MYCBPAP: variants seen among roughly 807,000 people sequenced by gnomAD.
MYCBPAP encodes the protein MYCBP associated protein.
In MYCBPAP, 60 loss-of-function variants were observed where a neutral mutation model predicts 106.1. The ratio of observed to expected loss-of-function variants is 0.57; its 90% CI spans 0.46 to 0.70. The LOEUF (loss-of-function observed/expected upper bound fraction) is 0.70. Ranked by LOEUF, MYCBPAP falls within the 30% of genes least tolerant of loss-of-function variation. MYCBPAP has a pLI of 0.00. For synonymous variants in MYCBPAP, 407 were observed against 440.6 expected (o/e 0.92, Z 0.95); for missense variants, 1,064 against 1,169.3 (o/e 0.91, Z 1.31).
intron 9 of MYCBPAP, among the ~76,000 whole-genome samples, chr17:50,521,727 GTC>G (rs1331022276): frequency 6.6e-6 from 1 of 152,198 alleles, no homozygotes; most frequent in African/African-American, 2.4e-5. Flanking sequence ...GGCATGGAGA[GTC>G]TGTGTATTTC....
intron 7 of MYCBPAP, among the ~76,000 whole-genome samples, chr17:50,520,569 C>T (rs1156494607): frequency 6.6e-6 from 1 of 152,130 alleles, no homozygotes; most frequent in Non-Finnish European, 1.5e-5. Flanking sequence ...ATGAATCCCA[C>T]CTGTTTCTTT....
intron 10 of MYCBPAP, 142 bp downstream of exon 10, chr17:50,522,223 ACAG>A: frequency 3.4e-6 from 2 of 595,612 alleles, no homozygotes; most frequent in Non-Finnish European, 6.0e-6. Flanking sequence ...GAAAATGGTG[ACAG>A]CAACACTGAC....
At position 50,527,345 on chromosome 17, in the gene MYCBPAP, A is replaced by C. The variant is rs1458436656; in HGVS notation, c.2228A>C (p.Lys743Thr). ...GAGGATGCGTTGATGAGGCTCAACA[A>C]AGCAGCCCTGGAGCTGTGCCAGAAG... ...HREDALMRLN[K>T]AALELCQKPR... Residue 743 changes from lysine to threonine, a missense_variant, in exon 15 of 19, where the codon AAA (lysine) becomes ACA (threonine). By Grantham distance (78) the Lys-to-Thr change is moderately conservative (BLOSUM62 -1). Coordinates refer to ENST00000323776, the MANE Select transcript of MYCBPAP (RefSeq NM_032133.6). The C allele has an allele frequency of 6.2e-7, 1 of 1,613,930 alleles. No individual in the cohort carries two copies. The highest frequency in any genetic ancestry group is 1.7e-5 in the Admixed American group (1 of 60,000).
At chr17:50,521,666 C>T (rs1232521132) in intron 9 of MYCBPAP, among the ~76,000 whole-genome samples, 1 of 152,178 alleles carries the variant, frequency 6.6e-6, no homozygotes, top group Admixed American at 6.5e-5. Context: ...CCTTGCTGGT[C>T]AACTGAGGGC....
chr17:50,513,807 T>C (rs923291146), intron 1 of MYCBPAP, among the ~76,000 whole-genome samples: 1 of 152,344 alleles, frequency 6.6e-6, no homozygotes, highest in African/African-American at 2.4e-5. Context: ...TCAGTTCTCA[T>C]AGGCTGCCAC....
intron 16 of MYCBPAP, 151 bp from the exon 17 acceptor site, chr17:50,528,544 C>T: frequency 6.9e-6 from 7 of 1,021,822 alleles, no homozygotes; most frequent in Non-Finnish European, 1.0e-5. Flanking sequence ...AACATAGGCA[C>T]CACAGTCCTG....
rs1567897872 is a variant in MYCBPAP, at chr17:50,529,109, C to T, written c.2645C>T (p.Thr882Ile). Reference sequence around the variant, plus strand: ...GACAGGTTTTCTTTGGAAGACCCTACCCCTGACATCATCCTCTCTTCTCAA... The same window carrying T: ...GACAGGTTTTCTTTGGAAGACCCTATCCCTGACATCATCCTCTCTTCTCAA... ...SQDRFSLEDP[T>I]PDIILSSQEP... is the part of the protein sequence containing the mutation. The change falls in exon 18 of 19, where the codon ACC becomes ATC. Residue 882 changes from threonine to isoleucine, a missense_variant. By Grantham distance (89) the Thr-to-Ile change is moderately conservative. Coordinates refer to ENST00000323776, the MANE Select transcript of MYCBPAP (RefSeq NM_032133.6). The T allele has an allele frequency of 6.2e-7, 1 of 1,614,086 alleles. No individual in the cohort carries two copies. The highest frequency in any genetic ancestry group is 1.1e-5 in the South Asian group (1 of 91,080).
chr17:50,521,475 C>T (rs1329776508), intron 9 of MYCBPAP, 44 bp downstream of exon 9: 3 of 1,352,578 alleles, frequency 2.2e-6, no homozygotes, highest in Non-Finnish European at 3.1e-6. Flanking sequence ...GAAGAGTTCT[C>T]CAGCACCTAC....
intron 18 of MYCBPAP, chr17:50,530,291 C>T: frequency 5.7e-6 from 2 of 351,514 alleles, no homozygotes; most frequent in Non-Finnish European, 1.1e-5. Flanking sequence ...CTCAGGAGTT[C>T]AAGACCAGCC....
Position 50,531,487 on chromosome 17 carries a change from T to C in MYCBPAP, c.*59T>C, listed in dbSNP as rs1438677701. On this transcript the variant is annotated 3_prime_UTR_variant, in exon 19 of 19. Coordinates refer to ENST00000323776, the MANE Select transcript of MYCBPAP (RefSeq NM_032133.6). ...TTAATAAATAAATCAATAAAGAACC[T>C]TCAAGTTTCTACTACTTCCGTGTGC... 4 of 1,322,312 alleles carry C rather than the reference T, an allele frequency of 3.0e-6. No homozygotes were observed. Among genetic ancestry groups the C allele is most frequent in the Non-Finnish European group, 4.2e-6 (4 of 954,930 alleles). 81.9% of individuals were successfully genotyped at this position (1,322,312 alleles called of 1,614,324 possible).
Position 50,518,704 on chromosome 17 carries a change from A to C in MYCBPAP, c.632A>C (p.Lys211Thr). Reference protein sequence around the residue: ...NWQRNTALRKKQQEALSEHLK... With the variant: ...NWQRNTALRKTQQEALSEHLK... ...CAGCGTAACACAGCCCTGCGGAAGA[A>C]GCAGCAGGAAGCCCTCAGCGGTGAG... Residue 211 changes from lysine to threonine, a missense_variant, in exon 5 of 19, where the codon AAG becomes ACG. Coordinates refer to ENST00000323776, the MANE Select transcript of MYCBPAP (RefSeq NM_032133.6). 1.3e-6 allele frequency: 2 copies of C among 1,588,296 alleles called. No homozygotes were observed. The highest frequency in any genetic ancestry group is 1.4e-5 in the African/African-American group (1 of 73,320).
At chr17:50,512,185 C>T (rs1188770255) in intron 1 of MYCBPAP, among the ~76,000 whole-genome samples, 2 of 151,934 alleles carry the variant, frequency 1.3e-5, no homozygotes, top group African/African-American at 4.8e-5. Context: ...TCCCGAGTAG[C>T]TGGGACTACA....
At position 50,521,318 on chromosome 17, in the gene MYCBPAP, T is replaced by G; in HGVS notation, c.1035T>G (p.Asp345Glu). 1 of 1,601,046 alleles carries G rather than the reference T, an allele frequency of 6.2e-7. No homozygotes were observed. The highest frequency in any genetic ancestry group is 1.1e-5 in the South Asian group (1 of 88,730). ...IMEELDFSQQDIDGLEVVGKG... is the reference protein window; with the variant it reads ...IMEELDFSQQEIDGLEVVGKG... ...TTACCTTTCTCCATCTCTCGGAGGA[T>G]ATTGATGGCCTGGAGGTGGTGGGCA... The change falls in exon 9 of 19, where the codon GAT (aspartate) becomes GAG (glutamate). Residue 345 changes from aspartate (D) to glutamate (E), a missense_variant and splice_region_variant. Coordinates refer to ENST00000323776, the MANE Select transcript of MYCBPAP (RefSeq NM_032133.6).
In MYCBPAP at chr17:50,525,967, G is replaced by C; in HGVS notation, c.1869G>C (p.Arg623Ser). The C allele has an allele frequency of 6.2e-7, 1 of 1,613,802 alleles. No individual in the cohort carries two copies. The highest frequency in any genetic ancestry group is 8.5e-7 in the Non-Finnish European group (1 of 1,180,034). The change falls in exon 14 of 19, where the codon AGG (arginine) becomes AGC (serine). Residue 623 changes from arginine to serine, a missense_variant. Physicochemically the swap from Arg to Ser is moderately radical, Grantham distance 110. Coordinates refer to ENST00000323776, the MANE Select transcript of MYCBPAP (RefSeq NM_032133.6). Reference sequence around the variant, plus strand: ...TGCCCGCCAAGGCTGAGGAGGCCAGGCCAGGGGACAAGGAGCACGTCAGCC... The same window carrying C: ...TGCCCGCCAAGGCTGAGGAGGCCAGCCCAGGGGACAAGGAGCACGTCAGCC... ...MTLPAKAEEA[R>S]PGDKEHVSPI...
At position 50,519,140 on chromosome 17, in the gene MYCBPAP, G is replaced by A. The variant is rs753786879; in HGVS notation, c.768+51G>A. On this transcript the variant is annotated intron_variant, in intron 6 of 18. Coordinates refer to ENST00000323776, the MANE Select transcript of MYCBPAP (RefSeq NM_032133.6). ...GGGGGCAGGGGGGTCCATGGAGGAG[G>A]GGGCGGGGGCAGGTGTCTGGACACA... is the stretch of plus-strand genomic sequence containing the variant. The A allele has an allele frequency of 2.1e-5, 27 of 1,302,056 alleles. 1 individual carries two copies. The highest frequency in any genetic ancestry group is 2.7e-5 in the Non-Finnish European group (25 of 919,336). The allele number at this position is 1,302,056 out of a possible 1,614,324, so 80.7% of individuals were successfully genotyped here.
At chr17:50,530,218 G>T (rs534920494) in intron 18 of MYCBPAP, 3 of 439,402 alleles carry the variant, frequency 6.8e-6, no homozygotes, top group East Asian at 1.4e-4. Flanking sequence ...TGCAGACCAG[G>T]TGCGGTGGCT....
chr17:50,512,202 C>T (rs959699462), intron 1 of MYCBPAP, among the ~76,000 whole-genome samples: 33 of 152,004 alleles, frequency 2.2e-4, no homozygotes, highest in African/African-American at 7.5e-4. Flanking sequence ...TACAGGTGCC[C>T]GCCACCACGC....
chr17:50,519,577 C>T, intron 6 of MYCBPAP, 63 bp from the exon 7 acceptor site: 1 of 1,590,154 alleles, frequency 6.3e-7, no homozygotes, highest in Non-Finnish European at 8.6e-7. Context: ...TGTCTTCCCA[C>T]ATCTCCACCA....
chr17:50,514,466 T>C (rs1333343012), intron 1 of MYCBPAP, among the ~76,000 whole-genome samples: 2 of 152,136 alleles, frequency 1.3e-5, no homozygotes, highest in African/African-American at 4.8e-5. Context: ...AGAGGGAAAA[T>C]GACAGGGTTG....
Sources: allele counts gnomAD v4.1 joint callset (sites outside exome capture counted in the v4.1 genomes callset), GRCh38; gene constraint gnomAD v4.1.1; transcripts MANE v1.5; gene names NCBI Gene and HGNC (gene_info 2026-07-23, HGNC 2026-07-21).